ANO3: variants seen among roughly 807,000 people sequenced by gnomAD.
ANO3 encodes the protein anoctamin-3.
ANO3 carries 99 observed loss-of-function variants against 144.8 expected under a neutral mutation model. That is an observed-to-expected ratio of 0.68 (90% CI 0.58 to 0.81). The LOEUF is 0.81. Ranked by LOEUF, ANO3 falls within the 30% of genes least tolerant of loss-of-function variation. The pLI is 0.00. For missense variants in ANO3, 905 were observed against 1,202.2 expected (o/e 0.75, Z 3.66); for synonymous variants, 414 against 392.6 (o/e 1.05, Z -0.64).
At chr11:26,465,789 A>G (rs1859581271) in intron 4 of ANO3, among the ~76,000 whole-genome samples, 1 of 151,954 alleles carries the variant, frequency 6.6e-6, no homozygotes, top group South Asian at 2.1e-4. Flanking sequence ...CATTTGGTTT[A>G]TCAATCATTG....
intron 9 of ANO3, among the ~76,000 whole-genome samples, chr11:26,534,972 A>T (rs1329503146): frequency 9.1e-6 from 1 of 109,610 alleles, no homozygotes; most frequent in Non-Finnish European, 2.0e-5. Context: ...TAGTACATTC[A>T]TTAAAAGTTA....
In ANO3 at chr11:26,635,547, A is replaced by G. The variant is rs546002445; in HGVS notation, c.2043+477A>G. ...AGGAGTAGTATTGTTGGGTTACAGG[A>G]TAAGCATATTGTATATTTTCACTGA... On this transcript the variant is annotated intron_variant, in intron 20 of 26. Transcript: ENST00000256737. Among the ~76,000 whole-genome samples, 3 of 152,276 alleles carry G rather than the reference A, an allele frequency of 2.0e-5. No homozygotes were observed. The East Asian group carries it at 5.8e-4, about 29-fold the overall frequency.
intron 1 of ANO3, among the ~76,000 whole-genome samples, chr11:26,435,696 G>T (rs1014492680): frequency 9.9e-5 from 15 of 152,086 alleles, no homozygotes; most frequent in Admixed American, 5.2e-4. Context: ...AATACTTGCT[G>T]CTGCATTGTG....
In ANO3 at chr11:26,414,232, A is replaced by G. The variant is rs371698027; in HGVS notation, c.47-27686A>G. Among the ~76,000 whole-genome samples, 6 of 152,240 alleles carry G rather than the reference A, an allele frequency of 3.9e-5. No homozygotes were observed. In the South Asian group the frequency reaches 8.3e-4, roughly 21 times the overall value. On this transcript the variant is annotated intron_variant, in intron 1 of 26. Transcript: ENST00000256737. ...AAATGCCATTTGACCCAGCAATCCC[A>G]TTACTGGGTATATACCCAAAGGAAG...
In ANO3 at chr11:26,652,689, C is replaced by T. The variant is rs191892787; in HGVS notation, c.2577-3436C>T. ...TGTCCTGGCTGCCTTCCAGTTACAT[C>T]TTTATGTCTTTGCTCCCATTTATAA... On this transcript the variant is annotated intron_variant, in intron 24 of 26. Coordinates refer to ENST00000256737, the MANE Select transcript of ANO3 (RefSeq NM_031418.4). 2.6e-5 allele frequency among the ~76,000 whole-genome samples: 4 copies of T among 152,318 alleles called. No homozygotes were observed. In the East Asian group the frequency reaches 5.8e-4, roughly 22 times the overall value.
intron 1 of ANO3, among the ~76,000 whole-genome samples, chr11:26,362,413 T>C (rs879452607): frequency 5.3e-5 from 8 of 152,174 alleles, no homozygotes; most frequent in Non-Finnish European, 1.0e-4. Flanking sequence ...CAGATATACA[T>C]GACCCTGAAA....
chr11:26,474,643 C>T (rs1859895162), intron 4 of ANO3, among the ~76,000 whole-genome samples: 2 of 151,792 alleles, frequency 1.3e-5, no homozygotes, highest in African/African-American at 2.4e-5. Context: ...ATGTTTTCAA[C>T]CTGCTGTCTT....
intron 1 of ANO3, among the ~76,000 whole-genome samples, chr11:26,386,349 C>A (rs1383313406): frequency 6.6e-6 from 1 of 152,058 alleles, no homozygotes; most frequent in Non-Finnish European, 1.5e-5. Context: ...GATGAAAGAT[C>A]ACATTTTGGC....
intron 1 of ANO3, among the ~76,000 whole-genome samples, chr11:26,412,215 G>A (rs1337046470): frequency 6.6e-6 from 1 of 151,834 alleles, no homozygotes; most frequent in Non-Finnish European, 1.5e-5. Flanking sequence ...AATTTCATTA[G>A]GCTATCTGAA....
intron 1 of ANO3, among the ~76,000 whole-genome samples, chr11:26,391,958 T>A (rs915631328): frequency 7.2e-6 from 1 of 139,722 alleles, no homozygotes; most frequent in Non-Finnish European, 1.5e-5. Context: ...AAGTCAGACA[T>A]CTTTCTGCTG....
intron 1 of ANO3, among the ~76,000 whole-genome samples, chr11:26,348,122 T>C (rs1029433768): frequency 2.6e-5 from 4 of 152,234 alleles, no homozygotes; most frequent in Admixed American, 2.0e-4. Context: ...TTCCCTCTTT[T>C]CTTTCCTCCT....
chr11:26,247,724 C>A, intron 1 of ANO3, among the ~76,000 whole-genome samples: 1 of 80,198 alleles, frequency 1.2e-5, no homozygotes, highest in Non-Finnish European at 2.5e-5. Context: ...TAGCTCCAGT[C>A]ACTTTTTTTT....
rs201902353 is a variant in ANO3 at position 26,660,445 on chromosome 11, T to C, written c.*1T>C. ...GCCTGTTCACCATGAATGGCCTTAG[T>C]TGACACCTGTTACCCATTAGGGGTG... On this transcript the variant is annotated 3_prime_UTR_variant, in exon 27 of 27. Transcript: ENST00000256737. The C allele has an allele frequency of 1.9e-6, 3 of 1,610,480 alleles. No individual in the cohort carries two copies. Among genetic ancestry groups the C allele is most frequent in the Non-Finnish European group, 1.7e-6 (2 of 1,178,466 alleles).
chr11:26,414,562 G>A (rs1194984116), intron 1 of ANO3, among the ~76,000 whole-genome samples: 1 of 151,830 alleles, frequency 6.6e-6, no homozygotes, highest in African/African-American at 2.4e-5. Context: ...GACACAGGGA[G>A]GGAAACATCA....
chr11:26,475,835 A>G (rs1443381684), intron 4 of ANO3, among the ~76,000 whole-genome samples: 1 of 152,104 alleles, frequency 6.6e-6, no homozygotes, highest in Non-Finnish European at 1.5e-5. Context: ...CAAATCTCAC[A>G]TTCTAAGAAA....
chr11:26,502,856 A>G (rs888086724), intron 4 of ANO3, among the ~76,000 whole-genome samples: 2 of 151,826 alleles, frequency 1.3e-5, no homozygotes, highest in Non-Finnish European at 2.9e-5. Flanking sequence ...AGGGAAAAAA[A>G]AAAAAAAAAG....
chr11:26,320,879 A>T (rs1313877459), intron 1 of ANO3, among the ~76,000 whole-genome samples: 1 of 152,090 alleles, frequency 6.6e-6, no homozygotes, highest in African/African-American at 2.4e-5. Context: ...GATTTAATCT[A>T]ATTTAGCTCT....
At chr11:26,590,301 CATAA>C (rs2132889656) in intron 14 of ANO3, among the ~76,000 whole-genome samples, 1 of 152,328 alleles carries the variant, frequency 6.6e-6, no homozygotes, top group South Asian at 2.1e-4. Context: ...TTTTAATTCT[CATAA>C]ATACTCAACA....
At chr11:26,491,062 A>G (rs1860687102) in intron 4 of ANO3, among the ~76,000 whole-genome samples, 1 of 152,172 alleles carries the variant, frequency 6.6e-6, no homozygotes, top group Non-Finnish European at 1.5e-5. Flanking sequence ...GGCTGGGAGT[A>G]TGGACTAAAT....
Sources: allele counts gnomAD v4.1 joint callset (sites outside exome capture counted in the v4.1 genomes callset), GRCh38; gene constraint gnomAD v4.1.1; transcripts MANE v1.5; gene names NCBI Gene and HGNC (gene_info 2026-07-23, HGNC 2026-07-21).